Variants in JAK2 observed in about 807,000 individuals in gnomAD.
The protein encoded by JAK2 is tyrosine-protein kinase JAK2.
In JAK2, 86 loss-of-function variants were observed where a neutral mutation model predicts 139.3. That is an observed-to-expected ratio of 0.62 (90% CI 0.52 to 0.74). The LOEUF (loss-of-function observed/expected upper bound fraction) is 0.74, where lower values mean the gene tolerates loss of function less well. Ranked by LOEUF, JAK2 falls within the 30% of genes least tolerant of loss-of-function variation. The pLI, the probability that JAK2 is intolerant of heterozygous loss-of-function variation, is 0.00. For missense variants in JAK2, 1,421 were observed against 1,360.3 expected, an observed-to-expected ratio of 1.04 and a Z score of -0.70; for synonymous variants, 490 against 437.7, an observed-to-expected ratio of 1.12 and a Z score of -1.49.
At chr9:5,070,097 A>C (rs1818855171) in intron 12 of JAK2, 45 bp downstream of exon 12, 8 of 1,393,016 alleles carry the variant, frequency 5.7e-6, no homozygotes, top group Non-Finnish European at 7.9e-6. Flanking sequence ...TCCTTTTAAA[A>C]CAACATCTGT....
chr9:5,080,996 C>A (rs754028570), intron 18 of JAK2, among the ~76,000 whole-genome samples: 26 of 149,180 alleles, frequency 1.7e-4, no homozygotes, highest in Non-Finnish European at 3.0e-4. Flanking sequence ...CCAAGGTTCA[C>A]GCCATTCTCC....
At chr9:5,075,892 A>T (rs1819276773) in intron 14 of JAK2, among the ~76,000 whole-genome samples, 1 of 152,222 alleles carries the variant, frequency 6.6e-6, no homozygotes, top group Non-Finnish European at 1.5e-5. Context: ...TCTAGATGCC[A>T]GGAATAGCAT....
rs1485989545 is a variant in JAK2, at chr9:5,128,919, C to T, written c.*2128C>T. On this transcript the variant is annotated 3_prime_UTR_variant, in exon 25 of 25. Coordinates refer to ENST00000381652, the MANE Select transcript of JAK2 (RefSeq NM_004972.4). ...TTCTTAGAATTATGTAATTCTGTAA[C>T]TATTCCAGTATATTAAGTTATACAA... Among the ~76,000 whole-genome samples, 1 of 151,972 alleles carries T rather than the reference C, an allele frequency of 6.6e-6. No individual in the cohort carries two copies. The highest frequency in any genetic ancestry group is 2.4e-5 in the African/African-American group (1 of 41,424).
rs1465756383 is a variant in JAK2 at position 5,029,867 on chromosome 9, T to C, written c.311T>C (p.Ile104Thr). The C allele has an allele frequency of 6.2e-7, 1 of 1,612,544 alleles. No individual in the cohort carries two copies. Among genetic ancestry groups the C allele is most frequent in the Non-Finnish European group, 8.5e-7 (1 of 1,178,952 alleles). ...TATCCACCCAACCATGTCTTCCATA[T>C]AGATGAGTCAACCAGGCATAATGTA... ...IWYPPNHVFH[I>T]DESTRHNVLY... The change falls in exon 4 of 25, where the codon ATA becomes ACA. Residue 104 changes from isoleucine (I) to threonine (T), a missense_variant. Transcript: ENST00000381652.
intron 5 of JAK2, among the ~76,000 whole-genome samples, chr9:5,045,162 T>G (rs895187043): frequency 2.0e-5 from 3 of 152,240 alleles, no homozygotes; most frequent in Admixed American, 6.5e-5. Flanking sequence ...GCTGCTAGAC[T>G]AGTAGGAATA....
chr9:5,096,205 C>T (rs757536069), intron 22 of JAK2, among the ~76,000 whole-genome samples: 14 of 152,162 alleles, frequency 9.2e-5, no homozygotes, highest in Non-Finnish European at 2.1e-4. Context: ...ACTCCTCCCT[C>T]CACTTATTTC....
intron 2 of JAK2, among the ~76,000 whole-genome samples, chr9:5,015,605 A>G (rs557194012): frequency 5.1e-4 from 77 of 151,538 alleles, no homozygotes; most frequent in Non-Finnish European, 8.8e-4. Flanking sequence ...CATGAGCACA[A>G]TCACTGCTCA....
At chr9:5,062,887 A>G (rs951194580) in intron 8 of JAK2, among the ~76,000 whole-genome samples, 1 of 152,114 alleles carries the variant, frequency 6.6e-6, no homozygotes, top group Non-Finnish European at 1.5e-5. Context: ...TTGCCTTTTC[A>G]TGTCCTTTGA....
intron 2 of JAK2, among the ~76,000 whole-genome samples, chr9:5,015,414 T>G (rs1821978243): frequency 6.6e-6 from 1 of 152,236 alleles, no homozygotes; most frequent in Admixed American, 6.5e-5. Context: ...TCTTTTTCAT[T>G]GAGTTGACAT....
chr9:5,069,054 G>A lies in JAK2; in HGVS notation c.1359G>A (p.Leu453=), dbSNP rs370813541. 3.1e-4 allele frequency: 495 copies of A among 1,600,620 alleles called. 1 individual carries two copies. Among genetic ancestry groups the A allele is most frequent in the Non-Finnish European group, 3.9e-4 (461 of 1,173,742 alleles). Reference sequence around the variant, plus strand: ...ATGTCATTGAATATAAACACTGTTTGATTACAAAAAATGAGAATGAAGAGT... The same window carrying A: ...ATGTCATTGAATATAAACACTGTTTAATTACAAAAAATGAGAATGAAGAGT... The part of the protein sequence containing the change: ...RENVIEYKHC[L]ITKNENEEYN... Residue 453 remains leucine, a synonymous_variant, in exon 11 of 25, where the codon TTG becomes TTA. Transcript: ENST00000381652.
Position 5,066,808 on chromosome 9 carries a change from T to C in JAK2, c.1326+19T>C. 7 of 1,136,338 alleles carry C rather than the reference T, an allele frequency of 6.2e-6. No individual in the cohort carries two copies. Among genetic ancestry groups the C allele is most frequent in the Non-Finnish European group, 8.7e-6 (7 of 800,222 alleles). The allele number at this position is 1,136,338 out of a possible 1,614,324, so 70.4% of individuals were successfully genotyped here. On this transcript the variant is annotated intron_variant, in intron 10 of 24. Transcript: ENST00000381652. ...TGTCGAGGTTAGTATGTCACACTTA[T>C]TAGTGGTAACACTTTATTTAGTTCA...
chr9:5,113,494 G>C (rs71498606), intron 22 of JAK2: 2 of 149,216 alleles, frequency 1.3e-5, no homozygotes, highest in African/African-American at 2.5e-5. Flanking sequence ...GCCTAGAGTA[G>C]ACTTCAGAGG....
intron 2 of JAK2, among the ~76,000 whole-genome samples, chr9:4,992,180 G>T (rs1199202722): frequency 3.9e-5 from 6 of 152,186 alleles, no homozygotes; most frequent in Non-Finnish European, 8.8e-5. Context: ...GGTAGTTGAT[G>T]CTGGCTCTTG....
intron 2 of JAK2, among the ~76,000 whole-genome samples, chr9:5,010,256 T>A (rs1239268522): frequency 1.3e-5 from 2 of 152,208 alleles, no homozygotes; most frequent in Non-Finnish European, 2.9e-5. Context: ...TGTTGTTACC[T>A]GTTTTACTTT....
At chr9:5,023,446 G>T (rs978837028) in intron 3 of JAK2, among the ~76,000 whole-genome samples, 10 of 152,004 alleles carry the variant, frequency 6.6e-5, no homozygotes, top group African/African-American at 2.4e-4. Context: ...GGGGAGCGTG[G>T]GACCCAGTGT....
At chr9:5,108,761 T>C (rs1266329019) in intron 22 of JAK2, 7 of 152,056 alleles carry the variant, frequency 4.6e-5, no homozygotes, top group Admixed American at 3.9e-4. Context: ...TACAAACCGA[T>C]GTAAAATCAG....
In JAK2 at chr9:5,022,175, T is replaced by C. The variant is rs1211921813; in HGVS notation, c.188T>C (p.Val63Ala). Residue 63 changes from valine to alanine, a missense_variant, in exon 3 of 25, where the codon GTT becomes GCT. Transcript: ENST00000381652. Reference protein sequence around the residue: ...DYLTFPSGEYVAEEICIAASK... With the variant: ...DYLTFPSGEYAAEEICIAASK... Reference sequence around the variant, plus strand: ...CTGACCTTTCCATCTGGGGAGTATGTTGCAGAAGAAATCTGTATTGCTGCT... The same window carrying C: ...CTGACCTTTCCATCTGGGGAGTATGCTGCAGAAGAAATCTGTATTGCTGCT... The C allele has an allele frequency of 1.9e-6, 3 of 1,614,202 alleles. No individual in the cohort carries two copies. Among genetic ancestry groups the C allele is most frequent in the Admixed American group, 1.7e-5 (1 of 60,034 alleles).
chr9:5,090,357 G>T (rs915506724), intron 20 of JAK2, 89 bp from the exon 21 acceptor site: 1 of 970,988 alleles, frequency 1.0e-6, no homozygotes, highest in African/African-American at 1.7e-5. Flanking sequence ...TTTCATATAT[G>T]TTTAAGTCAT....
intron 2 of JAK2, among the ~76,000 whole-genome samples, chr9:4,998,270 T>C (rs1248731210): frequency 6.6e-6 from 1 of 152,146 alleles, no homozygotes; most frequent in Non-Finnish European, 1.5e-5. Flanking sequence ...TTTGTTGTTG[T>C]TGTTGAGATG....
Sources: allele counts gnomAD v4.1 joint callset (sites outside exome capture counted in the v4.1 genomes callset), GRCh38; gene constraint gnomAD v4.1.1; transcripts MANE v1.5; gene names NCBI Gene and HGNC (gene_info 2026-07-23, HGNC 2026-07-21).